RIF1: variants seen among roughly 807,000 people sequenced by gnomAD.
RIF1 encodes the protein telomere-associated protein RIF1.
In RIF1, 45 loss-of-function variants were observed where a neutral mutation model predicts 247.1. The observed-to-expected ratio is 0.18, with a 90% CI of 0.14 to 0.23. The LOEUF (loss-of-function observed/expected upper bound fraction) is 0.23, where lower values mean the gene tolerates loss of function less well. Among genes scored for constraint, RIF1 ranks in the 10% least tolerant of loss-of-function variants. The pLI is 1.00. For synonymous variants in RIF1, 1,087 were observed against 978.8 expected (o/e 1.11, Z -2.06); for missense variants, 2,967 against 2,862.5 (o/e 1.04, Z -0.83).
chr2:151,465,147 C>A lies in RIF1; in HGVS notation c.5627C>A (p.Ser1876Tyr). The A allele has an allele frequency of 1.2e-6, 2 of 1,613,566 alleles. No individual in the cohort carries two copies. Among genetic ancestry groups the A allele is most frequent in the Non-Finnish European group, 1.7e-6 (2 of 1,179,882 alleles). ...LGDSKNVSQESLETKEEKPEE... is the reference protein window; with the variant it reads ...LGDSKNVSQEYLETKEEKPEE... ...GACTCGAAAAATGTTTCACAGGAAT[C>A]TTTGGAGACAAAAGAAGAAAAACCA... is the stretch of plus-strand genomic sequence containing the variant. Residue 1876 changes from serine to tyrosine, a missense_variant, in exon 30 of 36, where the codon TCT (serine) becomes TAT (tyrosine). Around this residue, in one of 7 missense-constraint regions of RIF1, gnomAD observed 2,028 missense variants for 1,825.6 expected, o/e 1.11. Coordinates refer to ENST00000444746, the MANE Select transcript of RIF1 (RefSeq NM_018151.5).
At chr2:151,489,889 C>T (rs548319430) in intron 9 of RIF1, 417 of 1,044,034 alleles carry the variant, frequency 4.0e-4, no homozygotes, top group South Asian at 9.6e-4. Context: ...TAAAAAAAAC[C>T]GTAATACCTA....
the RIF1 span, chr2:151,519,597 TA>T: frequency 2.3e-5 from 30 of 1,278,056 alleles, no homozygotes; most frequent in East Asian, 6.7e-4. Context: ...ATTGCACACT[TA>T]AAAACAGTTA....
chr2:151,465,449 G>A lies in RIF1; in HGVS notation c.5929G>A (p.Asp1977Asn), dbSNP rs764576584. Residue 1977 changes from aspartate to asparagine, a missense_variant, in exon 30 of 36, where the codon GAT becomes AAT. Asp to Asn is a conservative substitution (Grantham distance 23, BLOSUM62 1). Around this residue, in one of 7 missense-constraint regions of RIF1, gnomAD observed 2,028 missense variants for 1,825.6 expected, o/e 1.11. Coordinates refer to ENST00000444746, the MANE Select transcript of RIF1 (RefSeq NM_018151.5). ...EEFNSDISLS[D>N]NTTPVKLNAQ... ...ATTTAATTCAGATATTAGTCTTTCTGATAATACTACACCTGTAAAATTGAA... is the reference window on the plus strand; with the variant it reads ...ATTTAATTCAGATATTAGTCTTTCTAATAATACTACACCTGTAAAATTGAA... 3 of 1,613,866 alleles carry A rather than the reference G, an allele frequency of 1.9e-6. No homozygotes were observed. The highest frequency in any genetic ancestry group is 1.3e-5 in the African/African-American group (1 of 74,898).
chr2:151,497,598 T>C, intron 10 of RIF1: 3 of 1,546,534 alleles, frequency 1.9e-6, no homozygotes, highest in Non-Finnish European at 2.6e-6. Flanking sequence ...ATTAAATAAG[T>C]AGTTTTTTTC....
chr2:151,455,959 A>C (rs572760945), intron 22 of RIF1, among the ~76,000 whole-genome samples: 118 of 152,334 alleles, frequency 7.7e-4, no homozygotes, highest in Non-Finnish European at 1.4e-3. Context: ...ATTTATACGT[A>C]AATCATTGCC....
chr2:151,478,588 TG>T lies in RIF1; in HGVS notation c.*3518del, dbSNP rs2049042386. ...TTACAATTTAAACATCATAAAAATG[TG>T]AAGAGTAAGTGGTGAGGCAAGAAAC... On this transcript the variant is annotated 3_prime_UTR_variant, in exon 36 of 36. Transcript: ENST00000444746. The T allele has an allele frequency of 6.6e-6, 1 of 151,930 alleles. No homozygotes were observed. Among genetic ancestry groups the T allele is most frequent in the Admixed American group, 6.6e-5 (1 of 15,244 alleles). The allele number at this position is 151,930 out of a possible 1,614,324, so 9.4% of individuals were successfully genotyped here. A position where few individuals can be genotyped will look rare whatever the true frequency, so the allele number is the denominator to read the frequency against.
chr2:151,410,310 G>C, intron 1 of RIF1, 104 bp from the exon 2 acceptor site: 1 of 856,372 alleles, frequency 1.2e-6, no homozygotes, highest in Non-Finnish European at 1.9e-6. Flanking sequence ...GTGGCTGTGA[G>C]GCCCGGGCGG....
Position 151,435,486 on chromosome 2 carries a change from T to A in RIF1, c.1101T>A (p.Ser367Arg). Residue 367 changes from serine to arginine, a missense_variant, in exon 11 of 36, where the codon AGT becomes AGA. Transcript: ENST00000444746. ...FEQVCVPLIQSTISIDSNASP... is the reference protein window; with the variant it reads ...FEQVCVPLIQRTISIDSNASP... The stretch of plus-strand genomic sequence containing the variant: ...AGGTTTGTGTGCCTCTGATTCAAAG[T>A]ACAATAAGCATTGATTCTAATGCCT... The A allele has an allele frequency of 1.2e-6, 2 of 1,610,632 alleles. No individual in the cohort carries two copies. The highest frequency in any genetic ancestry group is 2.2e-5 in the South Asian group (2 of 91,000).
Position 151,496,944 on chromosome 2 carries a change from GCT to G in RIF1, c.*513+1619_*513+1620del. On this transcript the variant is annotated intron_variant and NMD_transcript_variant, in intron 10 of 13. Transcript: ENST00000454583. ...TTTTCTTTTCTTGCCCAAGTACCGA[GCT>G]AATATTTTCTTGATTGTGTTTGACT... 6.4e-7 allele frequency: 1 copy of G among 1,571,852 alleles called. No individual in the cohort carries two copies. The highest frequency in any genetic ancestry group is 8.7e-7 in the Non-Finnish European group (1 of 1,155,796).
intron 33 of RIF1, 78 bp from the exon 34 acceptor site, chr2:151,469,633 A>G (rs1267825841): frequency 9.2e-7 from 1 of 1,088,344 alleles, no homozygotes; most frequent in Non-Finnish European, 1.2e-6. Flanking sequence ...AAATGGGGAA[A>G]TTGAACTGGA....
At chr2:151,427,913 C>T (rs1434123548) in intron 8 of RIF1, among the ~76,000 whole-genome samples, 1 of 152,104 alleles carries the variant, frequency 6.6e-6, no homozygotes, top group African/African-American at 2.4e-5. Flanking sequence ...AATAAGTAGC[C>T]AGGCATGGTG....
At chr2:151,494,712 G>A (rs571380556) in intron 9 of RIF1, among the ~76,000 whole-genome samples, 20 of 152,222 alleles carry the variant, frequency 1.3e-4, no homozygotes, top group African/African-American at 3.4e-4. Context: ...GCAATGGCAC[G>A]ATCCCTGCTC....
intron 10 of RIF1, among the ~76,000 whole-genome samples, chr2:151,496,004 GTGGATAGAGAGTAAGTT>G (rs1275703746): frequency 6.6e-6 from 1 of 152,162 alleles, no homozygotes; most frequent in African/African-American, 2.4e-5. Flanking sequence ...CTTGGGGGTA[GTGGATAGAGAGTAAGTT>G]TGGAGAGAGA....
intron 21 of RIF1, among the ~76,000 whole-genome samples, chr2:151,453,443 G>A (rs1432462692): frequency 1.3e-5 from 2 of 151,960 alleles, no homozygotes; most frequent in Non-Finnish European, 2.9e-5. Flanking sequence ...AAGCCATGGT[G>A]GTGCGCGCCT....
chr2:151,452,569 A>G (rs1417174578), intron 21 of RIF1, among the ~76,000 whole-genome samples: 1 of 152,246 alleles, frequency 6.6e-6, no homozygotes, highest in Non-Finnish European at 1.5e-5. Context: ...CTCCTGAAGT[A>G]TATTATAGGT....
chr2:151,446,438 A>C lies in RIF1; in HGVS notation c.2107A>C (p.Thr703Pro). 6.2e-7 allele frequency: 1 copy of C among 1,614,050 alleles called. No homozygotes were observed. The highest frequency in any genetic ancestry group is 8.5e-7 in the Non-Finnish European group (1 of 1,180,008). The change falls in exon 20 of 36, where the codon ACT becomes CCT. Residue 703 changes from threonine to proline, a missense_variant. Physicochemically the swap from Thr to Pro is conservative, Grantham distance 38. Around this residue, in one of 7 missense-constraint regions of RIF1, gnomAD observed 76 missense variants for 113.3 expected, o/e 0.67. Coordinates refer to ENST00000444746, the MANE Select transcript of RIF1 (RefSeq NM_018151.5). The stretch of plus-strand genomic sequence containing the variant: ...TTGTTATTGGTAGGCCACCATGAAG[A>C]CTTTGCTTAGAACTTGGTCAGAATT... ...EQRFPVATMKTLLRTWSELYR... is the reference protein window; with the variant it reads ...EQRFPVATMKPLLRTWSELYR...
Position 151,503,420 on chromosome 2 carries a change from C to T in RIF1, c.*861+235C>T, listed in dbSNP as rs762094581. On this transcript the variant is annotated intron_variant and NMD_transcript_variant, in intron 12 of 13. Transcript: ENST00000454583. ...GTCACAGTGGTTGGAATGCCTGTTC[C>T]CAAGTTTTCTTTGTACATAACCTGT... is the stretch of plus-strand genomic sequence containing the variant. 18 of 1,611,354 alleles carry T rather than the reference C, an allele frequency of 1.1e-5. No individual in the cohort carries two copies. The highest frequency in any genetic ancestry group is 1.5e-5 in the Non-Finnish European group (18 of 1,177,888).
chr2:151,464,691 G>A lies in RIF1; in HGVS notation c.5171G>A (p.Arg1724Lys), dbSNP rs1696652869. ...QTLECQHKRS[R>K]RVRRSKGCDC... is the part of the protein sequence containing the mutation. ...CTTGAATGCCAACACAAGAGAAGTA[G>A]GAGGGTGAGGAGATCTAAAGGTTGT... is the stretch of plus-strand genomic sequence containing the variant. The change falls in exon 30 of 36, where the codon AGG becomes AAG. Residue 1724 changes from arginine (R) to lysine (K), a missense_variant. Transcript: ENST00000444746. 6.2e-7 allele frequency: 1 copy of A among 1,612,430 alleles called. No individual in the cohort carries two copies.
At position 151,505,971 on chromosome 2, in the gene RIF1, T is replaced by C. The variant is rs113350185; in HGVS notation, c.*862-239T>C. The stretch of plus-strand genomic sequence containing the variant: ...CTCTCTGTTTTTCAGATCTAATCTC[T>C]CCCTCATGAAAACCGCCAAGGCACT... On this transcript the variant is annotated intron_variant and NMD_transcript_variant, in intron 12 of 13. Coordinates refer to the RIF1 transcript ENST00000454583. 1,089 of 607,290 alleles carry C rather than the reference T, an allele frequency of 1.8e-3. 8 individuals are homozygous for C. Among genetic ancestry groups the C allele is most frequent in the African/African-American group, 0.017 (912 of 54,100 alleles). The allele number at this position is 607,290 out of a possible 1,614,324, so 37.6% of individuals were successfully genotyped here. A position where few individuals can be genotyped will look rare whatever the true frequency, so the allele number is the denominator to read the frequency against.
Sources: gnomAD v4.1 joint callset for allele counts (sites outside exome capture counted in the v4.1 genomes callset) on GRCh38, gnomAD v4.1.1 for gene constraint, gnomAD v4.1.1 regional missense constraint, MANE v1.5 for transcripts, NCBI Gene and HGNC (gene_info 2026-07-23, HGNC 2026-07-21) for gene names.